SAMD5: variants seen among roughly 807,000 people sequenced by gnomAD.
SAMD5 encodes the protein sterile alpha motif domain containing 5.
In SAMD5, 13 loss-of-function variants were observed where a neutral mutation model predicts 11.3. The ratio of observed to expected loss-of-function variants is 1.15; its 90% CI spans 0.75 to 1.83. SAMD5 has a LOEUF of 1.83. Among genes scored for constraint, SAMD5 ranks in the 40% most tolerant of loss-of-function variants. The pLI, the probability that SAMD5 is intolerant of heterozygous loss-of-function variation, is 0.00. For missense variants in SAMD5, 255 were observed against 239.1 expected, an observed-to-expected ratio of 1.07 and a Z score of -0.44; for synonymous variants, 129 against 111.3, an observed-to-expected ratio of 1.16 and a Z score of -1.00.
intron 1 of SAMD5, among the ~76,000 whole-genome samples, chr6:147,616,163 T>A (rs1023937780): frequency 7.6e-6 from 1 of 131,788 alleles, no homozygotes; most frequent in African/African-American, 2.6e-5. Context: ...TTCATATATA[T>A]TTCATATATA....
chr6:147,782,970 A>T, the SAMD5 span, among the ~76,000 whole-genome samples: 26 of 152,334 alleles, frequency 1.7e-4, no homozygotes, highest in African/African-American at 5.5e-4. Flanking sequence ...GAAGTCTAAA[A>T]TATGGAACTT....
intron 1 of SAMD5, among the ~76,000 whole-genome samples, chr6:147,626,199 C>T (rs1190987308): frequency 6.6e-6 from 1 of 152,092 alleles, no homozygotes; most frequent in East Asian, 1.9e-4. Flanking sequence ...GTGTCATTGG[C>T]CCTTACATTC....
intron 1 of SAMD5, among the ~76,000 whole-genome samples, chr6:147,625,527 GA>G (rs1239654884): frequency 3.3e-5 from 5 of 152,286 alleles, no homozygotes; most frequent in South Asian, 2.1e-4. Flanking sequence ...CAATTCTTTT[GA>G]GAAAATAAAA....
downstream of SAMD5, among the ~76,000 whole-genome samples, chr6:147,572,704 C>A (rs946532343): frequency 7.2e-5 from 11 of 152,132 alleles, no homozygotes; most frequent in Non-Finnish European, 1.5e-4. Flanking sequence ...TTGATTTCTG[C>A]AATTATAGCT....
chr6:147,533,405 T>C (rs543226739), intron 1 of SAMD5, among the ~76,000 whole-genome samples: 102 of 132,924 alleles, frequency 7.7e-4, no homozygotes, highest in African/African-American at 2.9e-3. Flanking sequence ...GAGGTTGCTG[T>C]AAGCCGAGAT....
At chr6:147,737,333 A>T (rs566712981) in exon 2 of SAMD5, 1 of 1,254,450 alleles carries the variant, frequency 8.0e-7, no homozygotes, top group East Asian at 5.8e-5. Context: ...TTATGCCGCT[A>T]CCTTCAAGAA....
the SAMD5 span, among the ~76,000 whole-genome samples, chr6:147,935,887 C>T: frequency 1.3e-5 from 2 of 152,108 alleles, no homozygotes; most frequent in Non-Finnish European, 2.9e-5. Context: ...TCAAGTTTTC[C>T]CACAAAGTTG....
chr6:147,702,793 A>T (rs970172620), intron 1 of SAMD5, among the ~76,000 whole-genome samples: 2 of 151,354 alleles, frequency 1.3e-5, no homozygotes, highest in Non-Finnish European at 2.9e-5. Context: ...TAAGGATTAG[A>T]AACAGTGTTT....
chr6:147,709,892 T>C lies in SAMD5; in HGVS notation c.163-27425T>C, dbSNP rs537239547. 2.6e-5 allele frequency among the ~76,000 whole-genome samples: 4 copies of C among 152,270 alleles called. No homozygotes were observed. The South Asian group carries it at 6.2e-4, about 24-fold the overall frequency. On this transcript the variant is annotated intron_variant, in intron 1 of 1. Transcript: ENST00000566741. ...CTTAACTGCTATACCTCCTCCACCATACTTCTAAAGCACAATTGTGTCTTG... is the reference window on the plus strand; with the variant it reads ...CTTAACTGCTATACCTCCTCCACCACACTTCTAAAGCACAATTGTGTCTTG...
chr6:147,727,522 A>G (rs114322481), intron 1 of SAMD5, among the ~76,000 whole-genome samples: 1,764 of 152,286 alleles, frequency 0.012, 36 homozygotes, highest in African/African-American at 0.041. Flanking sequence ...GGTTCAGCAC[A>G]AGGGAGGCAC....
the SAMD5 span, among the ~76,000 whole-genome samples, chr6:147,830,251 C>CTTTTTTTTTTTTTTTTTTTTTTTTT: frequency 5.9e-5 from 5 of 84,932 alleles, no homozygotes; most frequent in African/African-American, 9.3e-5. Flanking sequence ...TTCTTTCTTT[C>CTTTTTTTTTTTTTTTTTTTTTTTTT]TTTTTTTTTT....
At chr6:147,583,546 T>G (rs1359105392) in intron 1 of SAMD5, among the ~76,000 whole-genome samples, 1 of 152,130 alleles carries the variant, frequency 6.6e-6, no homozygotes, top group Non-Finnish European at 1.5e-5. Context: ...ACACACACAA[T>G]CCATATATTT....
the SAMD5 span, among the ~76,000 whole-genome samples, chr6:147,882,916 CAA>C: frequency 6.6e-6 from 1 of 152,160 alleles, no homozygotes; most frequent in Non-Finnish European, 1.5e-5. Flanking sequence ...TTGAGAAGAT[CAA>C]AATATATGGT....
the SAMD5 span, among the ~76,000 whole-genome samples, chr6:147,934,110 A>T: frequency 1.3e-5 from 2 of 152,212 alleles, no homozygotes; most frequent in Non-Finnish European, 2.9e-5. Context: ...TCCTTGTATT[A>T]TAAGCATTTT....
chr6:147,715,834 G>C (rs1791458767), intron 1 of SAMD5, among the ~76,000 whole-genome samples: 1 of 152,110 alleles, frequency 6.6e-6, no homozygotes, highest in South Asian at 2.1e-4. Context: ...GGAGAACCTG[G>C]AGTGGGTAGC....
the SAMD5 span, among the ~76,000 whole-genome samples, chr6:147,780,743 A>T: frequency 6.6e-6 from 1 of 152,218 alleles, no homozygotes; most frequent in Non-Finnish European, 1.5e-5. Flanking sequence ...TAACTTTTTC[A>T]TATAATAAAT....
the SAMD5 span, among the ~76,000 whole-genome samples, chr6:147,744,465 A>T: frequency 6.6e-6 from 1 of 152,234 alleles, no homozygotes; most frequent in Non-Finnish European, 1.5e-5. Context: ...AGAATTGCTT[A>T]TACTGAAAGA....
the SAMD5 span, among the ~76,000 whole-genome samples, chr6:147,915,040 T>C: frequency 6.6e-6 from 1 of 152,130 alleles, no homozygotes; most frequent in African/African-American, 2.4e-5. Context: ...TATCTGACCC[T>C]AGACTAGGTC....
intron 1 of SAMD5, among the ~76,000 whole-genome samples, chr6:147,627,806 A>G (rs777237101): frequency 6.6e-6 from 1 of 152,192 alleles, no homozygotes; most frequent in Non-Finnish European, 1.5e-5. Flanking sequence ...ATTTGTCTCA[A>G]AAAAAAGGAA....
Sources: gnomAD v4.1 joint callset for allele counts (sites outside exome capture counted in the v4.1 genomes callset) on GRCh38, gnomAD v4.1.1 for gene constraint, MANE v1.5 for transcripts, NCBI Gene and HGNC (gene_info 2026-07-23, HGNC 2026-07-21) for gene names.